MCF2L2: variants seen among roughly 807,000 people sequenced by gnomAD.
MCF2L2 encodes MCF.2 cell line derived transforming sequence-like 2.
In MCF2L2, 102 loss-of-function variants were observed where a neutral mutation model predicts 150.2. That is an observed-to-expected ratio of 0.68 (90% CI 0.58 to 0.80). The LOEUF (loss-of-function observed/expected upper bound fraction) is 0.80. MCF2L2 is among the 30% of genes least tolerant of loss of function. MCF2L2 has a pLI of 0.00. For missense variants in MCF2L2, 1,256 were observed against 1,372.8 expected, an observed-to-expected ratio of 0.91 and a Z score of 1.34; for synonymous variants, 465 against 491.3, an observed-to-expected ratio of 0.95 and a Z score of 0.71.
intron 7 of MCF2L2, among the ~76,000 whole-genome samples, chr3:183,312,617 A>T (rs1344719816): frequency 6.6e-6 from 1 of 152,236 alleles, no homozygotes; most frequent in African/African-American, 2.4e-5. Context: ...AAATCAAGGG[A>T]TCACCTCTGC....
intron 3 of MCF2L2, among the ~76,000 whole-genome samples, chr3:183,342,628 G>GAA (rs1730748481): frequency 2.7e-5 from 1 of 37,328 alleles, no homozygotes; most frequent in Non-Finnish European, 4.4e-5. Flanking sequence ...AAATGTGTGT[G>GAA]TGTGTGTGTG....
At chr3:183,357,851 G>GAA (rs35010055) in intron 3 of MCF2L2, among the ~76,000 whole-genome samples, 228 of 124,418 alleles carry the variant, frequency 1.8e-3, no homozygotes, top group African/African-American at 5.7e-3. Flanking sequence ...AAAATGTCCA[G>GAA]AAAAAAAAAA....
At chr3:183,333,362 TTTAA>T (rs1730343885) in intron 5 of MCF2L2, among the ~76,000 whole-genome samples, 1 of 152,138 alleles carries the variant, frequency 6.6e-6, no homozygotes. Flanking sequence ...TCAGAGTAAT[TTTAA>T]TTAAAGCTAT....
chr3:183,385,065 T>C (rs916764326), intron 2 of MCF2L2, among the ~76,000 whole-genome samples: 1 of 152,052 alleles, frequency 6.6e-6, no homozygotes, highest in Non-Finnish European at 1.5e-5. Context: ...GCTGTAAGTA[T>C]AAAACACAAA....
chr3:183,301,778 G>A (rs1198043754), intron 10 of MCF2L2, among the ~76,000 whole-genome samples: 1 of 138,706 alleles, frequency 7.2e-6, no homozygotes, highest in African/African-American at 2.9e-5. Context: ...CTGGGTGAGA[G>A]CTAGGCTCTG....
At position 183,428,351 on chromosome 3, in the gene MCF2L2, G is replaced by C. The variant is rs568990370; in HGVS notation, c.-374C>G. On this transcript the variant is annotated 5_prime_UTR_variant, in exon 1 of 30. Transcript: ENST00000328913. This position sits in a 1 kb window ranked among gnomAD's most constrained non-coding sequence, Gnocchi z 5.1. Reference sequence around the variant, plus strand: ...GCCAGGTTTCCGGCGCCGCCTCCAGGGACTGTAGAGTGAGGGATGCTCCGC... The same window carrying C: ...GCCAGGTTTCCGGCGCCGCCTCCAGCGACTGTAGAGTGAGGGATGCTCCGC... The C allele has an allele frequency of 1.1e-3, 281 of 255,644 alleles. 2 individuals are homozygous for C. Among genetic ancestry groups the C allele is most frequent in the African/African-American group, 6.3e-3 (269 of 42,920 alleles). 15.8% of individuals were successfully genotyped at this position (255,644 alleles called of 1,614,324 possible).
chr3:183,347,805 C>T (rs1730959592), intron 3 of MCF2L2, among the ~76,000 whole-genome samples: 1 of 152,148 alleles, frequency 6.6e-6, no homozygotes. Context: ...AAAAAAAGCT[C>T]ATCATTGCTG....
intron 14 of MCF2L2, among the ~76,000 whole-genome samples, chr3:183,281,268 A>G (rs961584340): frequency 1.3e-5 from 2 of 152,026 alleles, no homozygotes; most frequent in Admixed American, 6.6e-5. Context: ...GGTGTTCTAC[A>G]TGACGCAGCC....
At chr3:183,318,023 C>A in intron 7 of MCF2L2, 45 bp downstream of exon 7, 1 of 1,601,594 alleles carries the variant, frequency 6.2e-7, no homozygotes. Context: ...GCAGGCATAC[C>A]TGCTGGCACA....
intron 15 of MCF2L2, among the ~76,000 whole-genome samples, chr3:183,244,034 GA>G (rs1724144943): frequency 6.6e-6 from 1 of 152,078 alleles, no homozygotes; most frequent in South Asian, 2.1e-4. Flanking sequence ...TGAGGCAGGA[GA>G]ATGGCATGAA....
chr3:183,179,203 G>A lies in MCF2L2; in HGVS notation c.*177C>T. ...CTCCGAGGTCCCCCGTGCGGAGCTA[G>A]GCGCGCACCCAGGACACCCCTCGGG... On this transcript the variant is annotated 3_prime_UTR_variant, in exon 30 of 30. Transcript: ENST00000328913. The surrounding 1 kb of genome is among the most constrained non-coding windows in gnomAD (Gnocchi z 4.2). 1 of 850,620 alleles carries A rather than the reference G, an allele frequency of 1.2e-6. No individual in the cohort carries two copies. Among genetic ancestry groups the A allele is most frequent in the Non-Finnish European group, 1.6e-6 (1 of 616,160 alleles). 52.7% of individuals were successfully genotyped at this position (850,620 alleles called of 1,614,324 possible). A position where few individuals can be genotyped will look rare whatever the true frequency, so the allele number is the denominator to read the frequency against.
chr3:183,382,752 T>C (rs1713608912), intron 2 of MCF2L2, among the ~76,000 whole-genome samples: 1 of 152,230 alleles, frequency 6.6e-6, no homozygotes, highest in African/African-American at 2.4e-5. Flanking sequence ...TTGTACCTTT[T>C]CATTAAGTGA....
At chr3:183,380,466 A>G (rs888064323) in intron 2 of MCF2L2, among the ~76,000 whole-genome samples, 3 of 152,158 alleles carry the variant, frequency 2.0e-5, no homozygotes, top group Non-Finnish European at 1.5e-5. Flanking sequence ...CAGTGGTGCA[A>G]TATCGGCTCA....
intron 14 of MCF2L2, among the ~76,000 whole-genome samples, chr3:183,282,131 T>C (rs560947474): frequency 8.6e-5 from 13 of 151,874 alleles, no homozygotes; most frequent in Admixed American, 2.0e-4. Context: ...ATGAGTTCAA[T>C]TTACTTACTG....
At position 183,330,613 on chromosome 3, in the gene MCF2L2, T is replaced by C. The variant is rs530487660; in HGVS notation, c.487-7262A>G. 9.9e-5 allele frequency among the ~76,000 whole-genome samples: 15 copies of C among 152,280 alleles called. 1 individual carries two copies. The highest frequency in any genetic ancestry group is 1.9e-4 in the African/African-American group (8 of 41,564). On this transcript the variant is annotated intron_variant, in intron 5 of 29. Transcript: ENST00000328913. Reference sequence around the variant, plus strand: ...AACACCACGCATTTGTCAAACTTCATAGAACTGTACACCAAAGAGAGTGAA... The same window carrying C: ...AACACCACGCATTTGTCAAACTTCACAGAACTGTACACCAAAGAGAGTGAA...
At chr3:183,210,258 A>G (rs1722645972) in intron 22 of MCF2L2, among the ~76,000 whole-genome samples, 1 of 152,192 alleles carries the variant, frequency 6.6e-6, no homozygotes, top group African/African-American at 2.4e-5. Context: ...TATAAAGACA[A>G]TAAATCAGAT....
intron 4 of MCF2L2, 136 bp downstream of exon 4, chr3:183,341,404 A>G (rs1560030259): frequency 3.0e-6 from 2 of 673,020 alleles, no homozygotes; most frequent in East Asian, 2.7e-5. Flanking sequence ...GGGATGTGAC[A>G]TAACAGCACC....
chr3:183,203,142 G>A (rs1576918488), intron 25 of MCF2L2, among the ~76,000 whole-genome samples: 2 of 152,156 alleles, frequency 1.3e-5, no homozygotes, highest in East Asian at 3.8e-4. Flanking sequence ...GAACCCAGGA[G>A]GCGGAGGTTG....
chr3:183,387,532 C>T (rs1713900602), intron 2 of MCF2L2, among the ~76,000 whole-genome samples: 1 of 151,818 alleles, frequency 6.6e-6, no homozygotes, highest in African/African-American at 2.4e-5. Flanking sequence ...TAATAGAACC[C>T]CAAAATAAAC....
Sources: gnomAD v4.1 joint callset for allele counts (sites outside exome capture counted in the v4.1 genomes callset) on GRCh38, gnomAD v4.1.1 for gene constraint, Gnocchi (gnomAD v3.1) non-coding constraint, MANE v1.5 for transcripts, NCBI Gene and HGNC (gene_info 2026-07-23, HGNC 2026-07-21) for gene names.